The following ZNF148 variants were observed in gnomAD, a reference collection of about 807,000 sequenced individuals.
The protein encoded by ZNF148 is zinc finger protein 148.
A neutral mutation model predicts 67.7 loss-of-function variants in ZNF148; 7 were observed. The observed-to-expected ratio is 0.10, with a 90% confidence interval of 0.06 to 0.19. The LOEUF (loss-of-function observed/expected upper bound fraction) is 0.19. ZNF148 is among the 10% of genes least tolerant of loss of function. ZNF148 has a pLI of 1.00. For missense variants in ZNF148, 583 were observed against 947.1 expected (o/e 0.62, Z 5.05); for synonymous variants, 333 against 330.7 (o/e 1.01, Z -0.08).
At chr3:125,300,430 T>C (rs1468841230) in intron 4 of ZNF148, among the ~76,000 whole-genome samples, 1 of 152,166 alleles carries the variant, frequency 6.6e-6, no homozygotes, top group Non-Finnish European at 1.5e-5. Flanking sequence ...AATTAAGAAT[T>C]GGGTATAACT....
Position 125,329,225 on chromosome 3 carries a change from A to G in ZNF148, c.-153+1933T>C, listed in dbSNP as rs1941162858. On this transcript the variant is annotated intron_variant, in intron 2 of 8. Transcript: ENST00000360647. ...AAAAACACATATATATCTGTAGTAT[A>G]AATATATGTATAGATATATATATCT... is the stretch of plus-strand genomic sequence containing the variant. Among the ~76,000 whole-genome samples the G allele has an allele frequency of 2.0e-5, 3 of 149,032 alleles. No individual in the cohort carries two copies. In the South Asian group the frequency reaches 6.3e-4, roughly 31 times the overall value.
At chr3:125,369,257 G>C (rs187171920) in intron 1 of ZNF148, among the ~76,000 whole-genome samples, 3,042 of 41,542 alleles carry the variant, frequency 0.073, 46 homozygotes, top group Non-Finnish European at 0.088. Flanking sequence ...GTGAGATCCT[G>C]CCTCAAAAAA....
chr3:125,268,882 G>A (rs950313143), intron 7 of ZNF148, among the ~76,000 whole-genome samples: 2 of 152,056 alleles, frequency 1.3e-5, no homozygotes, highest in African/African-American at 4.8e-5. Context: ...TTTCTGCATA[G>A]CAAAAGAATC....
rs1935773946 is a variant in ZNF148, at chr3:125,229,667, A to T, written c.*2674T>A. 1 of 152,170 alleles carries T rather than the reference A, an allele frequency of 6.6e-6. No homozygotes were observed. The allele number at this position is 152,170 out of a possible 1,614,324, so 9.4% of individuals were successfully genotyped here. A position where few individuals can be genotyped will look rare whatever the true frequency, so the allele number is the denominator to read the frequency against. On this transcript the variant is annotated 3_prime_UTR_variant, in exon 9 of 9. Coordinates refer to ENST00000360647, the MANE Select transcript of ZNF148 (RefSeq NM_021964.3). ...AGGGTGTACCAGCATGTTTTTATAG[A>T]ACAATGTGCTCACTTTGAGAAATGA...
chr3:125,369,789 A>C (rs557010474), intron 1 of ZNF148, among the ~76,000 whole-genome samples: 1 of 152,184 alleles, frequency 6.6e-6, no homozygotes, highest in African/African-American at 2.4e-5. Context: ...CAGCCTGGCC[A>C]GAATGGTGAA....
chr3:125,349,527 A>G lies in ZNF148; in HGVS notation c.-233-18289T>C, dbSNP rs537014434. On this transcript the variant is annotated intron_variant, in intron 1 of 8. Transcript: ENST00000360647. Reference sequence around the variant, plus strand: ...GAATATGCAAATCAAAACCACAATGAGATACCATCTCACACCAGTAAGAAT... The same window carrying G: ...GAATATGCAAATCAAAACCACAATGGGATACCATCTCACACCAGTAAGAAT... Among the ~76,000 whole-genome samples, 4 of 152,342 alleles carry G rather than the reference A, an allele frequency of 2.6e-5. No homozygotes were observed. In the South Asian group the frequency reaches 8.3e-4, roughly 32 times the overall value.
intron 4 of ZNF148, among the ~76,000 whole-genome samples, chr3:125,308,099 A>G (rs34921303): frequency 1.3e-5 from 2 of 152,240 alleles, no homozygotes; most frequent in Non-Finnish European, 2.9e-5. Flanking sequence ...TAAAAGAGAT[A>G]CAGATTGGAA....
rs182459538 is a variant in ZNF148 at position 125,370,142 on chromosome 3, G to A, written c.-234+4960C>T. Among the ~76,000 whole-genome samples, 393 of 152,070 alleles carry A rather than the reference G, an allele frequency of 2.6e-3. 1 individual carries two copies. Among genetic ancestry groups the A allele is most frequent in the African/African-American group, 9.1e-3 (376 of 41,490 alleles). On this transcript the variant is annotated intron_variant, in intron 1 of 8. Coordinates refer to ENST00000360647, the MANE Select transcript of ZNF148 (RefSeq NM_021964.3). ...TAAATTAAACCAGCACCCTGCTACAGACCAGATTTTACTCCAGATTAAACT... is the reference window on the plus strand; with the variant it reads ...TAAATTAAACCAGCACCCTGCTACAAACCAGATTTTACTCCAGATTAAACT...
intron 4 of ZNF148, among the ~76,000 whole-genome samples, chr3:125,295,924 TATTA>T (rs1939257987): frequency 6.6e-6 from 1 of 152,188 alleles, no homozygotes; most frequent in African/African-American, 2.4e-5. Context: ...AATATACAGT[TATTA>T]ATTATCATAC....
chr3:125,290,295 T>A (rs1938936777), intron 4 of ZNF148, among the ~76,000 whole-genome samples: 1 of 152,186 alleles, frequency 6.6e-6, no homozygotes, highest in African/African-American at 2.4e-5. Context: ...TGCCACTCCC[T>A]ATGCCGGTTC....
chr3:125,293,883 G>C (rs1232607271), intron 4 of ZNF148, among the ~76,000 whole-genome samples: 2 of 152,140 alleles, frequency 1.3e-5, no homozygotes, highest in African/African-American at 4.8e-5. Flanking sequence ...GCAAAATTTT[G>C]AGAGAGAGGA....
chr3:125,232,330 T>C lies in ZNF148; in HGVS notation c.*11A>G. On this transcript the variant is annotated 3_prime_UTR_variant, in exon 9 of 9. Coordinates refer to ENST00000360647, the MANE Select transcript of ZNF148 (RefSeq NM_021964.3). This position sits in a 1 kb window ranked among gnomAD's most constrained non-coding sequence, Gnocchi z 4.2. ...TAAAGTGCCAGTATTATTTACACTTTTTTTTTTTTTTTAGCCAAAAGTCTG... is the reference window on the plus strand; with the variant it reads ...TAAAGTGCCAGTATTATTTACACTTCTTTTTTTTTTTTAGCCAAAAGTCTG... 1 of 742,996 alleles carries C rather than the reference T, an allele frequency of 1.3e-6. No individual in the cohort carries two copies. The highest frequency in any genetic ancestry group is 1.9e-6 in the Non-Finnish European group (1 of 530,278). The allele number at this position is 742,996 out of a possible 1,614,324, so 46.0% of individuals were successfully genotyped here.
chr3:125,357,319 C>CGCAT (rs1005457100), intron 1 of ZNF148: 1 of 154,064 alleles, frequency 6.5e-6, no homozygotes, highest in Non-Finnish European at 1.4e-5. Context: ...CACAGACACA[C>CGCAT]GCACGCACGC....
In ZNF148 at chr3:125,233,278, T is replaced by C. The variant is rs752340306; in HGVS notation, c.1448A>G (p.Asn483Ser). 5.6e-6 allele frequency: 9 copies of C among 1,613,954 alleles called. No individual in the cohort carries two copies. Among genetic ancestry groups the C allele is most frequent in the Non-Finnish European group, 7.6e-6 (9 of 1,179,908 alleles). Residue 483 changes from asparagine (N) to serine (S), a missense_variant, in exon 9 of 9, where the codon AAC (asparagine) becomes AGC (serine). Coordinates refer to ENST00000360647, the MANE Select transcript of ZNF148 (RefSeq NM_021964.3). The surrounding 1 kb of genome is among the most constrained non-coding windows in gnomAD (Gnocchi z 5.1). The part of the protein sequence containing the change: ...KKRYLQAASN[N>S]SREYALNVGT... ...CACATTCAGCGCATATTCCCTGCTGTTGTTACTTGCTGCTTGAAGATACCG... is the reference window on the plus strand; with the variant it reads ...CACATTCAGCGCATATTCCCTGCTGCTGTTACTTGCTGCTTGAAGATACCG...
In ZNF148 at chr3:125,228,982, G is replaced by A. The variant is rs1935744024; in HGVS notation, c.*3359C>T. ...AGTTTAAGTGAAAAAAGGAAACACG[G>A]TTTTTATTTGCAGAATATAGCAAAA... On this transcript the variant is annotated 3_prime_UTR_variant, in exon 9 of 9. Coordinates refer to ENST00000360647, the MANE Select transcript of ZNF148 (RefSeq NM_021964.3). 6.6e-6 allele frequency: 1 copy of A among 152,474 alleles called. No individual in the cohort carries two copies. The highest frequency in any genetic ancestry group is 1.5e-5 in the Non-Finnish European group (1 of 67,986). 9.4% of individuals were successfully genotyped at this position (152,474 alleles called of 1,614,324 possible).
At chr3:125,353,957 C>T (rs1043024325) in intron 1 of ZNF148, among the ~76,000 whole-genome samples, 24 of 151,974 alleles carry the variant, frequency 1.6e-4, no homozygotes, top group African/African-American at 5.8e-4. Context: ...GGTGGAGGTA[C>T]AGATGACATA....
chr3:125,248,655 C>T (rs1305613620), intron 7 of ZNF148, among the ~76,000 whole-genome samples: 1 of 152,136 alleles, frequency 6.6e-6, no homozygotes, highest in South Asian at 2.1e-4. Context: ...AAATGATTTG[C>T]TTTTTTTATA....
rs1386685921 is a variant in ZNF148, at chr3:125,329,414, T to G, written c.-153+1744A>C. ...TCTCGCTCTGTCGCCCAGGCTGGAG[T>G]GCAGTGGTGGCATCTTGGCTCAACG... On this transcript the variant is annotated intron_variant, in intron 2 of 8. Coordinates refer to ENST00000360647, the MANE Select transcript of ZNF148 (RefSeq NM_021964.3). Among the ~76,000 whole-genome samples, 3 of 148,906 alleles carry G rather than the reference T, an allele frequency of 2.0e-5. No individual in the cohort carries two copies. The East Asian group carries it at 5.9e-4, about 29-fold the overall frequency.
intron 7 of ZNF148, among the ~76,000 whole-genome samples, chr3:125,238,454 CCT>C (rs1280766656): frequency 1.3e-5 from 2 of 151,904 alleles, no homozygotes; most frequent in Non-Finnish European, 2.9e-5. Flanking sequence ...ATGGTGAAAC[CCT>C]GTCTCTACTA....
Sources: allele counts gnomAD v4.1 joint callset (sites outside exome capture counted in the v4.1 genomes callset), GRCh38; gene constraint gnomAD v4.1.1; non-coding constraint Gnocchi (gnomAD v3.1); transcripts MANE v1.5; gene names NCBI Gene and HGNC (gene_info 2026-07-23, HGNC 2026-07-21).